Variants in CGRRF1 observed in about 807,000 individuals in gnomAD.
The protein encoded by CGRRF1 is cell growth regulator with RING finger domain protein 1.
CGRRF1 carries 32 observed loss-of-function variants against 37.2 expected under a neutral mutation model. That is an observed-to-expected ratio of 0.86 (90% CI 0.65 to 1.16). CGRRF1 has a LOEUF of 1.16. Among genes scored for constraint, CGRRF1 ranks in the 50% most tolerant of loss-of-function variants. CGRRF1 has a pLI of 0.00. For missense variants in CGRRF1, 391 were observed against 382.6 expected, an observed-to-expected ratio of 1.02 and a Z score of -0.18; for synonymous variants, 141 against 140.3, an observed-to-expected ratio of 1.00 and a Z score of -0.04.
At chr14:54,520,554 A>G (rs1311260996) in intron 1 of CGRRF1, among the ~76,000 whole-genome samples, 2 of 152,206 alleles carry the variant, frequency 1.3e-5, no homozygotes, top group Non-Finnish European at 2.9e-5. Flanking sequence ...TTTCCCAGTC[A>G]GTCCTACTCC....
Position 54,538,269 on chromosome 14 carries a change from T to G in CGRRF1, c.885T>G (p.Cys295Trp). ...VLLPCRHTCLCDGCVKYFQQC... is the reference protein window; with the variant it reads ...VLLPCRHTCLWDGCVKYFQQC... The stretch of plus-strand genomic sequence containing the variant: ...TACCATGCAGACACACATGCCTGTG[T>G]GATGGCTGTGTGAAGTATTTTCAGC... Residue 295 changes from cysteine to tryptophan, a missense_variant, in exon 6 of 6, where the codon TGT (cysteine) becomes TGG (tryptophan). Transcript: ENST00000216420. The G allele has an allele frequency of 6.2e-7, 1 of 1,614,152 alleles. No individual in the cohort carries two copies. Among genetic ancestry groups the G allele is most frequent in the Non-Finnish European group, 8.5e-7 (1 of 1,179,968 alleles).
intron 4 of CGRRF1, among the ~76,000 whole-genome samples, chr14:54,533,381 G>A (rs2032551072): frequency 6.6e-6 from 1 of 151,980 alleles, no homozygotes; most frequent in African/African-American, 2.4e-5. Flanking sequence ...CTTTGTGTAT[G>A]TCTCTGTGTC....
At chr14:54,532,695 G>A (rs1188432515) in intron 4 of CGRRF1, among the ~76,000 whole-genome samples, 16 of 142,798 alleles carry the variant, frequency 1.1e-4, no homozygotes, top group African/African-American at 4.2e-4. Flanking sequence ...ATAAAGATTT[G>A]ATAAGTAAAA....
intron 1 of CGRRF1, among the ~76,000 whole-genome samples, chr14:54,517,871 A>G (rs2032243565): frequency 6.6e-6 from 1 of 152,106 alleles, no homozygotes; most frequent in Admixed American, 6.6e-5. Context: ...GAGAATATGC[A>G]ATGTTTGATT....
intron 3 of CGRRF1, 157 bp from the exon 4 acceptor site, chr14:54,530,746 C>T (rs751340063): frequency 1.1e-6 from 1 of 872,168 alleles, no homozygotes; most frequent in Non-Finnish European, 1.8e-6. Context: ...GTGAATGTCT[C>T]TATCAGGAAC....
chr14:54,534,100 A>G (rs1392090007), intron 4 of CGRRF1, among the ~76,000 whole-genome samples: 1 of 152,148 alleles, frequency 6.6e-6, no homozygotes, highest in African/African-American at 2.4e-5. Context: ...AGAGACTTTT[A>G]ATATTAAATC....
chr14:54,510,134 G>C, intron 1 of CGRRF1, 71 bp downstream of exon 1: 2 of 1,205,840 alleles, frequency 1.7e-6, no homozygotes, highest in Non-Finnish European at 2.4e-6. Context: ...GCAGCAGGGG[G>C]CACCGGAGCC....
Position 54,522,604 on chromosome 14 carries a change from GT to G in CGRRF1, c.244+15del. On this transcript the variant is annotated intron_variant, in intron 2 of 5. Coordinates refer to ENST00000216420, the MANE Select transcript of CGRRF1 (RefSeq NM_006568.3). ...CAGCTTCAATTACAAGTTGGTGGCT[GT>G]TTTCCAAAGATTTTCTCTCATTGTT... 1 of 1,574,360 alleles carries G rather than the reference GT, an allele frequency of 6.4e-7. No homozygotes were observed. Among genetic ancestry groups the G allele is most frequent in the Non-Finnish European group, 8.6e-7 (1 of 1,166,070 alleles).
intron 4 of CGRRF1, among the ~76,000 whole-genome samples, chr14:54,533,202 T>C (rs1033958558): frequency 6.6e-6 from 1 of 152,058 alleles, no homozygotes; most frequent in Non-Finnish European, 1.5e-5. Context: ...TTAACCATTT[T>C]TGTGTGTGTG....
intron 4 of CGRRF1, 88 bp from the exon 5 acceptor site, chr14:54,537,634 T>C: frequency 7.7e-7 from 1 of 1,300,738 alleles, no homozygotes; most frequent in Non-Finnish European, 9.9e-7. Flanking sequence ...GAAGACAGTG[T>C]CTAGAAGCAG....
At position 54,538,062 on chromosome 14, in the gene CGRRF1, G is replaced by A; in HGVS notation, c.679-1G>A. Reference sequence around the variant, plus strand: ...TTTAAATTTATTTCTTTGATTTTCAGCAACTTTTCATGTCTGCAAATAATA... The same window carrying A: ...TTTAAATTTATTTCTTTGATTTTCAACAACTTTTCATGTCTGCAAATAATA... On this transcript the variant is annotated splice_acceptor_variant, in intron 5 of 5. Coordinates refer to ENST00000216420, the MANE Select transcript of CGRRF1 (RefSeq NM_006568.3). LOFTEE classifies it high-confidence loss of function. 6.3e-7 allele frequency: 1 copy of A among 1,579,180 alleles called. No homozygotes were observed. The highest frequency in any genetic ancestry group is 8.6e-7 in the Non-Finnish European group (1 of 1,166,880).
chr14:54,533,600 T>C (rs1388793531), intron 4 of CGRRF1, among the ~76,000 whole-genome samples: 1 of 152,114 alleles, frequency 6.6e-6, no homozygotes. Context: ...TTTTTCAGTA[T>C]TGTATGTGCG....
rs111859869 is a variant in CGRRF1, at chr14:54,513,365, A to G, written c.104+3302A>G. 1.9e-3 allele frequency among the ~76,000 whole-genome samples: 284 copies of G among 152,362 alleles called. 1 individual carries two copies. The highest frequency in any genetic ancestry group is 6.6e-3 in the African/African-American group (276 of 41,586). On this transcript the variant is annotated intron_variant, in intron 1 of 5. Coordinates refer to ENST00000216420, the MANE Select transcript of CGRRF1 (RefSeq NM_006568.3). ...CGCTTGACTGTTAATGGCAGTAATG[A>G]TGACTACAGGGACTGAGGGAGAAGT... is the stretch of plus-strand genomic sequence containing the variant.
At chr14:54,521,405 G>C (rs1424175025) in intron 1 of CGRRF1, among the ~76,000 whole-genome samples, 1 of 151,312 alleles carries the variant, frequency 6.6e-6, no homozygotes, top group Non-Finnish European at 1.5e-5. Flanking sequence ...AGGTTATAGT[G>C]AGCCAAGATC....
Position 54,530,986 on chromosome 14 carries a change from C to G in CGRRF1, c.506C>G (p.Ser169Cys), listed in dbSNP as rs377300825. ...GAAGACTTTGGTACAGTACCCAGAT[C>G]TCGCTATCCATTGGTAGCGCTATTG... ...KIEDFGTVPRSRYPLVALLTL... is the reference protein window; with the variant it reads ...KIEDFGTVPRCRYPLVALLTL... The change falls in exon 4 of 6, where the codon TCT (serine) becomes TGT (cysteine). Residue 169 changes from serine (S) to cysteine (C), a missense_variant. Transcript: ENST00000216420. The G allele has an allele frequency of 3.4e-5, 54 of 1,610,466 alleles. No homozygotes were observed. Among genetic ancestry groups the G allele is most frequent in the Non-Finnish European group, 4.4e-5 (52 of 1,176,962 alleles).
intron 1 of CGRRF1, among the ~76,000 whole-genome samples, chr14:54,517,073 A>G (rs184757765): frequency 1.7e-3 from 262 of 152,268 alleles, no homozygotes; most frequent in Non-Finnish European, 3.2e-3. Flanking sequence ...AAACATATGG[A>G]ATATAGTCCT....
chr14:54,527,755 CT>C (rs374964366), intron 2 of CGRRF1, among the ~76,000 whole-genome samples: 95 of 142,252 alleles, frequency 6.7e-4, no homozygotes, highest in South Asian at 1.1e-3. Flanking sequence ...TTCCATTGTT[CT>C]TTTTTTTTTT....
intron 2 of CGRRF1, 90 bp from the exon 3 acceptor site, chr14:54,529,959 T>C (rs1303321050): frequency 2.0e-5 from 21 of 1,053,730 alleles, no homozygotes; most frequent in Non-Finnish European, 2.9e-5. Context: ...CTGGCCAGCA[T>C]CCAAAAGGAA....
chr14:54,517,693 A>G (rs2032240871), intron 1 of CGRRF1, among the ~76,000 whole-genome samples: 1 of 152,066 alleles, frequency 6.6e-6, no homozygotes, highest in Admixed American at 6.5e-5. Flanking sequence ...AATGTGTGCC[A>G]TGGTGGTTAG....
Sources: gnomAD v4.1 joint callset for allele counts (sites outside exome capture counted in the v4.1 genomes callset) on GRCh38, gnomAD v4.1.1 for gene constraint, MANE v1.5 for transcripts, NCBI Gene and HGNC (gene_info 2026-07-23, HGNC 2026-07-21) for gene names.